Variants in SAV1 observed in about 807,000 individuals in gnomAD.
SAV1 encodes protein salvador homolog 1.
A neutral mutation model predicts 47.3 loss-of-function variants in SAV1; 23 were observed. The ratio of observed to expected loss-of-function variants is 0.49; its 90% CI spans 0.35 to 0.69. The LOEUF (loss-of-function observed/expected upper bound fraction) is 0.69. Among genes scored for constraint, SAV1 ranks in the 30% least tolerant of loss-of-function variants. The pLI is 0.01. For missense variants in SAV1, 448 were observed against 457.4 expected (o/e 0.98, Z 0.19); for synonymous variants, 155 against 159.2 (o/e 0.97, Z 0.20).
intron 2 of SAV1, among the ~76,000 whole-genome samples, chr14:50,650,876 A>T (rs2039762492): frequency 1.3e-5 from 2 of 152,222 alleles, no homozygotes; most frequent in Non-Finnish European, 2.9e-5. Flanking sequence ...ACAAATAATT[A>T]GCTGGGCGTG....
intron 2 of SAV1, among the ~76,000 whole-genome samples, chr14:50,661,890 G>A (rs552127108): frequency 4.6e-5 from 7 of 152,252 alleles, no homozygotes; most frequent in Admixed American, 1.3e-4. Flanking sequence ...TTATTTCGAA[G>A]ACAGGTAGTG....
rs115920601 is a variant in SAV1, at chr14:50,638,707, G to A, written c.950+2043C>T. 5.6e-3 allele frequency among the ~76,000 whole-genome samples: 858 copies of A among 152,324 alleles called. 11 individuals carry two copies. Among genetic ancestry groups the A allele is most frequent in the African/African-American group, 0.019 (804 of 41,586 alleles). On this transcript the variant is annotated intron_variant, in intron 4 of 4. Coordinates refer to ENST00000324679, the MANE Select transcript of SAV1 (RefSeq NM_021818.4). ...GACTAGTGTTTTGGTGTGTGTGTGA[G>A]AAATAACAGAAAGTAAATATGTTCT...
At chr14:50,661,216 T>C (rs2039857468) in intron 2 of SAV1, among the ~76,000 whole-genome samples, 1 of 152,362 alleles carries the variant, frequency 6.6e-6, no homozygotes, top group African/African-American at 2.4e-5. Flanking sequence ...ATTAGTGATG[T>C]TGCACATTTT....
intron 3 of SAV1, among the ~76,000 whole-genome samples, chr14:50,643,113 T>C (rs964553662): frequency 6.6e-6 from 1 of 152,242 alleles, no homozygotes; most frequent in South Asian, 2.1e-4. Flanking sequence ...ATACTACATA[T>C]GTGAGCTTAA....
intron 2 of SAV1, among the ~76,000 whole-genome samples, chr14:50,661,220 A>G (rs931889204): frequency 6.6e-6 from 1 of 152,168 alleles, no homozygotes; most frequent in Non-Finnish European, 1.5e-5. Context: ...GTGATGTTGC[A>G]CATTTTTTCA....
intron 2 of SAV1, among the ~76,000 whole-genome samples, chr14:50,646,783 G>GAGTAGCC (rs1463014058): frequency 6.6e-6 from 1 of 151,586 alleles, no homozygotes; most frequent in East Asian, 1.9e-4. Flanking sequence ...AAGAGAACTA[G>GAGTAGCC]AGTAGCCAAA....
chr14:50,647,944 T>C (rs1254467896), intron 2 of SAV1, among the ~76,000 whole-genome samples: 1 of 152,182 alleles, frequency 6.6e-6, no homozygotes, highest in Non-Finnish European at 1.5e-5. Context: ...TTCCCAAATA[T>C]TTACCCTAGA....
At chr14:50,652,399 T>A (rs1340433632) in intron 2 of SAV1, among the ~76,000 whole-genome samples, 1 of 152,130 alleles carries the variant, frequency 6.6e-6, no homozygotes, top group Non-Finnish European at 1.5e-5. Context: ...CAAATAGCAA[T>A]GAGTACAAGA....
intron 2 of SAV1, among the ~76,000 whole-genome samples, chr14:50,651,104 G>A (rs1458486075): frequency 6.6e-6 from 1 of 151,890 alleles, no homozygotes; most frequent in Non-Finnish European, 1.5e-5. Flanking sequence ...TGACGTGTGT[G>A]AACTCCAACT....
chr14:50,645,626 G>A (rs761032607), intron 2 of SAV1, among the ~76,000 whole-genome samples: 14 of 151,826 alleles, frequency 9.2e-5, no homozygotes, highest in Non-Finnish European at 1.3e-4. Context: ...TTTGGGGTAA[G>A]GGATAATCAA....
chr14:50,667,844 A>G (rs2039916511), intron 1 of SAV1, 30 bp downstream of exon 1: 1 of 1,597,216 alleles, frequency 6.3e-7, no homozygotes, highest in South Asian at 1.1e-5. Flanking sequence ...CGCCTGGGCC[A>G]GGTGTGGGCA....
At chr14:50,665,092 T>C in intron 2 of SAV1, 87 bp downstream of exon 2, 2 of 1,464,356 alleles carry the variant, frequency 1.4e-6, no homozygotes, top group Non-Finnish European at 1.8e-6. Flanking sequence ...TATTTGTTCG[T>C]GTCCCAAGAA....
intron 1 of SAV1, among the ~76,000 whole-genome samples, chr14:50,666,643 A>G (rs914699073): frequency 2.0e-5 from 3 of 152,216 alleles, no homozygotes; most frequent in African/African-American, 2.4e-5. Flanking sequence ...CCCAGAACTT[A>G]AAGTATAATA....
chr14:50,665,119 T>C (rs2039889685), intron 2 of SAV1, 60 bp downstream of exon 2: 6 of 1,462,656 alleles, frequency 4.1e-6, no homozygotes, highest in African/African-American at 1.4e-5. Context: ...GAAAAGAACA[T>C]CTTTTTAATT....
rs1189874370 is a variant in SAV1 at position 50,644,919 on chromosome 14, T to C, written c.631A>G (p.Met211Val). The stretch of plus-strand genomic sequence containing the variant: ...TCTATATAATATTTTCTCCCTCTCA[T>C]TGTCCAGTCCACAGACCAGCCAGGA... ...LPPGWSVDWT[M>V]RGRKYYIDHN... The change falls in exon 3 of 5, where the codon ATG becomes GTG. Residue 211 changes from methionine (M) to valine (V), a missense_variant. Coordinates refer to ENST00000324679, the MANE Select transcript of SAV1 (RefSeq NM_021818.4). The C allele has an allele frequency of 1.2e-6, 2 of 1,614,068 alleles. No individual in the cohort carries two copies. The highest frequency in any genetic ancestry group is 1.1e-5 in the South Asian group (1 of 91,084).
intron 4 of SAV1, among the ~76,000 whole-genome samples, chr14:50,638,892 C>T (rs1326548707): frequency 3.9e-5 from 6 of 152,118 alleles, no homozygotes; most frequent in African/African-American, 1.2e-4. Flanking sequence ...CTCAGCCTCC[C>T]GAGTAGCTGG....
intron 2 of SAV1, among the ~76,000 whole-genome samples, chr14:50,651,343 T>C (rs2039768066): frequency 6.6e-6 from 1 of 152,138 alleles, no homozygotes; most frequent in Non-Finnish European, 1.5e-5. Context: ...CAATGAAATA[T>C]GTAACAAAAA....
Position 50,636,936 on chromosome 14 carries a change from G to GT in SAV1, c.951-1553dup, listed in dbSNP as rs550787621. Among the ~76,000 whole-genome samples the GT allele has an allele frequency of 3.4e-3, 517 of 152,260 alleles. 3 individuals carry two copies. Among genetic ancestry groups the GT allele is most frequent in the Non-Finnish European group, 5.8e-3 (397 of 68,024 alleles). ...GCATTATTTTTAATGATCGTTTATAGTATTTCCTACCCAGTGGTTCTTTGA... is the reference window on the plus strand; with the variant it reads ...GCATTATTTTTAATGATCGTTTATAGTTATTTCCTACCCAGTGGTTCTTTGA... On this transcript the variant is annotated intron_variant, in intron 4 of 4. Transcript: ENST00000324679.
At chr14:50,641,948 G>A (rs920223792) in intron 3 of SAV1, among the ~76,000 whole-genome samples, 2 of 152,078 alleles carry the variant, frequency 1.3e-5, no homozygotes. Flanking sequence ...GCAAAGATAC[G>A]GTATCAACCT....
Sources: allele counts gnomAD v4.1 joint callset (sites outside exome capture counted in the v4.1 genomes callset), GRCh38; gene constraint gnomAD v4.1.1; transcripts MANE v1.5; gene names NCBI Gene and HGNC (gene_info 2026-07-23, HGNC 2026-07-21).